The following GCFC2 variants were observed in gnomAD, a reference collection of about 807,000 sequenced individuals.
The protein encoded by GCFC2 is GC-rich sequence DNA-binding factor 2.
A neutral mutation model predicts 99.4 loss-of-function variants in GCFC2; 102 were observed. That is an observed-to-expected ratio of 1.03 (90% CI 0.87 to 1.21). The LOEUF is 1.21. Ranked by LOEUF, GCFC2 falls within the 50% of genes most tolerant of loss-of-function variation. GCFC2 has a pLI of 0.00. For missense variants in GCFC2, 973 were observed against 920.9 expected (o/e 1.06, Z -0.73); for synonymous variants, 338 against 316.8 (o/e 1.07, Z -0.71).
chr2:75,676,691 T>C lies in GCFC2; in HGVS notation c.1813-3171A>G, dbSNP rs80234658. 6.6e-5 allele frequency among the ~76,000 whole-genome samples: 10 copies of C among 152,342 alleles called. No individual in the cohort carries two copies. The East Asian group carries it at 1.5e-3, about 24-fold the overall frequency. On this transcript the variant is annotated intron_variant, in intron 12 of 16. Transcript: ENST00000321027. ...ACACTGCTGACTCACGCTGGGTTTA[T>C]TGATTATAATCTGTCTTACTTATGC...
At chr2:75,667,878 T>G (rs977413879) in intron 15 of GCFC2, among the ~76,000 whole-genome samples, 2 of 152,160 alleles carry the variant, frequency 1.3e-5, no homozygotes, top group African/African-American at 4.8e-5. Flanking sequence ...ATTTAAATTT[T>G]TAATATATAA....
At position 75,665,434 on chromosome 2, in the gene GCFC2, G is replaced by A. The variant is rs183989323; in HGVS notation, c.2228+495C>T. 1.3e-3 allele frequency among the ~76,000 whole-genome samples: 200 copies of A among 152,184 alleles called. 1 individual carries two copies. Among genetic ancestry groups the A allele is most frequent in the African/African-American group, 4.5e-3 (189 of 41,540 alleles). On this transcript the variant is annotated intron_variant, in intron 16 of 16. Transcript: ENST00000321027. ...CTCCCAAAGTGCTAACATTACAGGC[G>A]TGAGCCACCATGCCCGGCCAAATCT...
At chr2:75,687,473 C>T (rs1679871628) in intron 11 of GCFC2, among the ~76,000 whole-genome samples, 1 of 152,032 alleles carries the variant, frequency 6.6e-6, no homozygotes, top group African/African-American at 2.4e-5. Context: ...AAAGAGGTGA[C>T]AAGCAGACAG....
chr2:75,670,920 T>C (rs1679065890), intron 14 of GCFC2: 1 of 152,248 alleles, frequency 6.6e-6, no homozygotes, highest in Non-Finnish European at 1.5e-5. Flanking sequence ...TTTCACATTT[T>C]ATCTCATTGT....
At chr2:75,665,580 AC>A (rs1456795323) in intron 16 of GCFC2, among the ~76,000 whole-genome samples, 1 of 152,232 alleles carries the variant, frequency 6.6e-6, no homozygotes, top group African/African-American at 2.4e-5. Context: ...CTGGATAAAT[AC>A]CAAGCTGGAG....
chr2:75,680,197 C>A lies in GCFC2; in HGVS notation c.1808G>T (p.Arg603Ile). 6.2e-7 allele frequency: 1 copy of A among 1,600,662 alleles called. No homozygotes were observed. Among genetic ancestry groups the A allele is most frequent in the South Asian group, 1.1e-5 (1 of 90,430 alleles). ...STCENEVSKS[R>I]QDLLKSIVSR... ...CGCAACTCTAGAAATTATTACCTGT[C>A]TGCTTTTACTAACTTCATTTTCACA... The change falls in exon 12 of 17, where the codon AGA becomes ATA. Residue 603 changes from arginine (R) to isoleucine (I), a missense_variant. By Grantham distance (97) the Arg-to-Ile change is moderately conservative. Coordinates refer to ENST00000321027, the MANE Select transcript of GCFC2 (RefSeq NM_003203.5).
chr2:75,675,741 C>T (rs796913442), intron 12 of GCFC2, among the ~76,000 whole-genome samples: 3 of 70,288 alleles, frequency 4.3e-5, no homozygotes, highest in African/African-American at 1.1e-4. Context: ...AAGGTTCTGT[C>T]AAAAAAAAAA....
At position 75,701,141 on chromosome 2, in the gene GCFC2, G is replaced by C. The variant is rs368617833; in HGVS notation, c.717+49C>G. On this transcript the variant is annotated intron_variant, in intron 4 of 16. Transcript: ENST00000321027. ...TGAGTCACCAAGTTTGTGGTAATTT[G>C]TTATAGCAGCCACAGGAATCTAATA... The C allele has an allele frequency of 5.0e-6, 5 of 1,006,824 alleles. No individual in the cohort carries two copies. In the African/African-American group the frequency reaches 8.0e-5, roughly 16 times the overall value. 62.4% of individuals were successfully genotyped at this position (1,006,824 alleles called of 1,614,324 possible).
intron 13 of GCFC2, among the ~76,000 whole-genome samples, chr2:75,672,791 T>A (rs1679163098): frequency 6.6e-6 from 1 of 152,140 alleles, no homozygotes; most frequent in South Asian, 2.1e-4. Context: ...ATTTTATAGA[T>A]GAGAAAACAA....
rs762042616 is a variant in GCFC2, at chr2:75,710,892, T to C, written c.-37A>G. The stretch of plus-strand genomic sequence containing the variant: ...GAGCGCCCGGCGCCCTAGAACCCGC[T>C]GAACCGCAAGCCGCAGCTTCAGTGC... On this transcript the variant is annotated 5_prime_UTR_variant, in exon 1 of 17. Coordinates refer to ENST00000321027, the MANE Select transcript of GCFC2 (RefSeq NM_003203.5). 4.0e-6 allele frequency: 6 copies of C among 1,490,528 alleles called. No individual in the cohort carries two copies. The African/African-American group carries it at 8.8e-5, about 22-fold the overall frequency. 92.3% of individuals were successfully genotyped at this position (1,490,528 alleles called of 1,614,324 possible). A position where few individuals can be genotyped will look rare whatever the true frequency, so the allele number is the denominator to read the frequency against.
Position 75,710,824 on chromosome 2 carries a change from T to G in GCFC2, c.32A>C (p.Gln11Pro), listed in dbSNP as rs1357706856. The part of the protein sequence containing the change: MAHRPKRTFR[Q>P]RAADSSDSDG... ...GCTGTCGCTGGAATCAGCCGCGCGC[T>G]GCCGAAAAGTCCTTTTCGGCCTGTG... The change falls in exon 1 of 17, where the codon CAG becomes CCG. Residue 11 changes from glutamine (Q) to proline (P), a missense_variant. Transcript: ENST00000321027. 1 of 1,578,038 alleles carries G rather than the reference T, an allele frequency of 6.3e-7. No homozygotes were observed. Among genetic ancestry groups the G allele is most frequent in the Admixed American group, 1.7e-5 (1 of 58,160 alleles).
intron 8 of GCFC2, 137 bp from the exon 9 acceptor site, chr2:75,690,218 A>G (rs1360608553): frequency 6.5e-6 from 4 of 610,726 alleles, no homozygotes; most frequent in African/African-American, 5.6e-5. Context: ...ATATACTATC[A>G]TATCAGCGCA....
intron 16 of GCFC2, among the ~76,000 whole-genome samples, chr2:75,665,165 TA>T (rs1171100080): frequency 6.6e-6 from 1 of 151,604 alleles, no homozygotes; most frequent in African/African-American, 2.4e-5. Context: ...TTTTTTTTTT[TA>T]AAGGGACTTG....
At position 75,689,095 on chromosome 2, in the gene GCFC2, A is replaced by G. The variant is rs1464843572; in HGVS notation, c.1470T>C (p.Ile490=). 6.3e-7 allele frequency: 1 copy of G among 1,597,084 alleles called. No individual in the cohort carries two copies. The highest frequency in any genetic ancestry group is 2.2e-5 in the East Asian group (1 of 44,612). Residue 490 remains isoleucine (I), a synonymous_variant, in exon 10 of 17, where the codon ATT becomes ATC. Coordinates refer to ENST00000321027, the MANE Select transcript of GCFC2 (RefSeq NM_003203.5). ...TTAAAAGCTTTGGTATGCATAAACT[A>G]ATGAAAGCTTCATAATAGGAGTCAG... ...KFPDSYYEAF[I]SLCIPKLLNP...
chr2:75,690,798 TC>T, intron 7 of GCFC2, 79 bp from the exon 8 acceptor site: 1 of 739,622 alleles, frequency 1.4e-6, no homozygotes. Context: ...AAAGGTAATA[TC>T]ATGGATGTAT....
rs1441880722 is a variant in GCFC2, at chr2:75,696,202, A to C, written c.831T>G (p.Thr277=). 1 of 985,308 alleles carries C rather than the reference A, an allele frequency of 1.0e-6. No homozygotes were observed. The allele number at this position is 985,308 out of a possible 1,614,324, so 61.0% of individuals were successfully genotyped here. ...ATTTCAAAATGAGTATTGCTCACCT[A>C]GTATTTAATTGCTTCTTTATAATTT... ...NLEIIKKQLN[T]RLTLLQETHR... Residue 277 remains threonine, a splice_region_variant and synonymous_variant, in exon 5 of 17, where the codon ACT becomes ACG. Transcript: ENST00000321027.
In GCFC2 at chr2:75,668,335, T is replaced by TAAACAAAACA. The variant is rs1163618336; in HGVS notation, c.2103+1802_2103+1803insTGTTTTGTTT. On this transcript the variant is annotated intron_variant, in intron 15 of 16. Transcript: ENST00000321027. ...TGGAGCTTAGAATGCATATAAGTGC[T>TAAACAAAACA]AAAGAAAACAAAACAAAACAAAACA... Among the ~76,000 whole-genome samples the TAAACAAAACA allele has an allele frequency of 1.6e-3, 248 of 150,660 alleles. 1 individual carries two copies. The highest frequency in any genetic ancestry group is 5.8e-3 in the African/African-American group (235 of 40,512).
intron 9 of GCFC2, 33 bp downstream of exon 9, chr2:75,689,935 CA>C: frequency 1.8e-6 from 2 of 1,138,836 alleles, no homozygotes; most frequent in South Asian, 2.6e-5. Context: ...TTTCAAAACT[CA>C]AACCATGATA....
Position 75,663,088 on chromosome 2 carries a change from C to T in GCFC2, c.*1578G>A, listed in dbSNP as rs553900871. The T allele has an allele frequency of 2.0e-4, 30 of 152,184 alleles. No individual in the cohort carries two copies. Among genetic ancestry groups the T allele is most frequent in the African/African-American group, 6.7e-4 (28 of 41,526 alleles). 9.4% of individuals were successfully genotyped at this position (152,184 alleles called of 1,614,324 possible). On this transcript the variant is annotated 3_prime_UTR_variant, in exon 17 of 17. Transcript: ENST00000321027. The stretch of plus-strand genomic sequence containing the variant: ...TGCATTTTCTAGATGAGATTCTATC[C>T]TTGTATAATTTTGTTACTAATATAA...
Sources: allele counts gnomAD v4.1 joint callset (sites outside exome capture counted in the v4.1 genomes callset), GRCh38; gene constraint gnomAD v4.1.1; transcripts MANE v1.5; gene names NCBI Gene and HGNC (gene_info 2026-07-23, HGNC 2026-07-21).